SCN9A: variants seen among roughly 807,000 people sequenced by gnomAD.
The protein encoded by SCN9A is sodium channel protein type 9 subunit alpha.
SCN9A carries 131 observed loss-of-function variants against 187.0 expected under a neutral mutation model. The observed-to-expected ratio is 0.70, with a 90% CI of 0.61 to 0.81. The LOEUF is 0.81. SCN9A is among the 30% of genes least tolerant of loss of function. The pLI is 0.00. For synonymous variants in SCN9A, 809 were observed against 808.6 expected, an observed-to-expected ratio of 1.00 and a Z score of -0.01; for missense variants, 2,252 against 2,396.6, an observed-to-expected ratio of 0.94 and a Z score of 1.26.
At chr2:166,353,817 G>T (rs1010621522) in intron 1 of SCN9A, among the ~76,000 whole-genome samples, 2 of 151,996 alleles carry the variant, frequency 1.3e-5, no homozygotes, top group African/African-American at 2.4e-5. Context: ...CTTTCATCAC[G>T]CCTGTCTCCT....
Position 166,227,603 on chromosome 2 carries a change from G to C in SCN9A, c.4260+67C>G, listed in dbSNP as rs370332289. ...AAGGGCTTCATGAAGTTATAGTTTGGAAATCACTGAAATAAACTAAGAAGC... is the reference window on the plus strand; with the variant it reads ...AAGGGCTTCATGAAGTTATAGTTTGCAAATCACTGAAATAAACTAAGAAGC... On this transcript the variant is annotated intron_variant, in intron 23 of 26. Coordinates refer to ENST00000642356, the MANE Select transcript of SCN9A (RefSeq NM_001365536.1). 1.1e-5 allele frequency: 10 copies of C among 917,136 alleles called. 1 individual carries two copies. Among genetic ancestry groups the C allele is most frequent in the African/African-American group, 1.7e-5 (1 of 60,578 alleles). The allele number at this position is 917,136 out of a possible 1,614,324, so 56.8% of individuals were successfully genotyped here. A position where few individuals can be genotyped will look rare whatever the true frequency, so the allele number is the denominator to read the frequency against.
At chr2:166,229,113 A>C in intron 21 of SCN9A, 141 bp from the exon 22 acceptor site, 1 of 629,282 alleles carries the variant, frequency 1.6e-6, no homozygotes, top group Non-Finnish European at 2.7e-6. Context: ...CAGCCGACTC[A>C]TGTTTATTAA....
At chr2:166,279,858 A>G (rs1358072890) in intron 14 of SCN9A, among the ~76,000 whole-genome samples, 2 of 152,070 alleles carry the variant, frequency 1.3e-5, no homozygotes. Flanking sequence ...AAAATTAAAT[A>G]CTACAGAGTT....
intron 1 of SCN9A, among the ~76,000 whole-genome samples, chr2:166,350,870 T>C (rs930432030): frequency 1.3e-5 from 2 of 152,198 alleles, no homozygotes; most frequent in Non-Finnish European, 2.9e-5. Flanking sequence ...AATCAAAAGA[T>C]GGTTATAACT....
chr2:166,364,472 T>A lies in SCN9A; in HGVS notation c.-51+11225A>T, dbSNP rs191640401. Reference sequence around the variant, plus strand: ...AACAGATAAACAAAATGTGTATAAATGCACAATAAAATACTACACAGCCTT... The same window carrying A: ...AACAGATAAACAAAATGTGTATAAAAGCACAATAAAATACTACACAGCCTT... On this transcript the variant is annotated intron_variant, in intron 1 of 26. Transcript: ENST00000642356. Among the ~76,000 whole-genome samples, 142 of 152,192 alleles carry A rather than the reference T, an allele frequency of 9.3e-4. 1 individual carries two copies. In the East Asian group the frequency reaches 0.026, roughly 27 times the overall value.
chr2:166,220,217 A>T (rs1694522893), intron 24 of SCN9A, among the ~76,000 whole-genome samples: 1 of 152,176 alleles, frequency 6.6e-6, no homozygotes, highest in Non-Finnish European at 1.5e-5. Flanking sequence ...AAATTTCAAC[A>T]ACCTTTCATG....
At position 166,256,844 on chromosome 2, in the gene SCN9A, C is replaced by T. The variant is rs1007688170; in HGVS notation, c.3352-4959G>A. The stretch of plus-strand genomic sequence containing the variant: ...ATTCAGAATAAAACCAGTGATTTCA[C>T]GGAGACCTCTTCTTTTTCTCAGAAT... On this transcript the variant is annotated intron_variant, in intron 17 of 26. Coordinates refer to ENST00000642356, the MANE Select transcript of SCN9A (RefSeq NM_001365536.1). Among the ~76,000 whole-genome samples, 6 of 151,482 alleles carry T rather than the reference C, an allele frequency of 4.0e-5. No individual in the cohort carries two copies. In the East Asian group the frequency reaches 7.8e-4, roughly 20 times the overall value.
chr2:166,252,177 C>T (rs1233086786), intron 17 of SCN9A, among the ~76,000 whole-genome samples: 1 of 151,862 alleles, frequency 6.6e-6, no homozygotes, highest in Non-Finnish European at 1.5e-5. Context: ...TTAACTATCA[C>T]TTTTGGAAAG....
At chr2:166,329,321 C>T (rs998883731) in intron 1 of SCN9A, among the ~76,000 whole-genome samples, 2 of 151,988 alleles carry the variant, frequency 1.3e-5, no homozygotes, top group African/African-American at 2.4e-5. Context: ...GGTTTACCCC[C>T]GCAGCAAGTT....
chr2:166,303,083 T>G lies in SCN9A; in HGVS notation c.901+7A>C. ...CAACCTAATAACAAATGCAAGGACA[T>G]TCTTACTTCTAAAGTCTTCTTCACT... On this transcript the variant is annotated splice_region_variant and intron_variant, in intron 7 of 26. Coordinates refer to ENST00000642356, the MANE Select transcript of SCN9A (RefSeq NM_001365536.1). 6.4e-7 allele frequency: 1 copy of G among 1,564,462 alleles called. No homozygotes were observed.
At chr2:166,207,982 A>G (rs1459959276) in intron 24 of SCN9A, among the ~76,000 whole-genome samples, 7 of 152,208 alleles carry the variant, frequency 4.6e-5, no homozygotes, top group Non-Finnish European at 1.0e-4. Flanking sequence ...AAATCAAAGT[A>G]ATAGATTTTG....
chr2:166,364,747 TG>T (rs1240685825), intron 1 of SCN9A, among the ~76,000 whole-genome samples: 2 of 152,192 alleles, frequency 1.3e-5, no homozygotes, highest in Non-Finnish European at 2.9e-5. Context: ...GTTCTGAAGA[TG>T]GATGGTGGTG....
At chr2:166,348,441 T>C (rs1699955299) in intron 1 of SCN9A, among the ~76,000 whole-genome samples, 1 of 152,192 alleles carries the variant, frequency 6.6e-6, no homozygotes, top group Non-Finnish European at 1.5e-5. Context: ...ACAAGGGCTA[T>C]TGATTATACT....
intron 7 of SCN9A, among the ~76,000 whole-genome samples, chr2:166,297,033 T>C (rs928075985): frequency 1.3e-5 from 2 of 150,676 alleles, no homozygotes; most frequent in Non-Finnish European, 3.0e-5. Flanking sequence ...CCGTCTCTAC[T>C]AAAAATACAA....
intron 23 of SCN9A, 134 bp downstream of exon 23, chr2:166,227,536 G>C: frequency 1.5e-6 from 1 of 657,862 alleles, no homozygotes; most frequent in Non-Finnish European, 2.8e-6. Flanking sequence ...CAACCACTAG[G>C]CTACTATCAG....
intron 1 of SCN9A, among the ~76,000 whole-genome samples, chr2:166,342,880 G>A (rs1574946425): frequency 6.6e-6 from 1 of 152,074 alleles, no homozygotes; most frequent in Non-Finnish European, 1.5e-5. Context: ...TATGCCCTTT[G>A]CATACATCCA....
Position 166,228,810 on chromosome 2 carries a change from G to A in SCN9A, c.4087C>T (p.Gln1363Ter), listed in dbSNP as rs1553479145. The A allele has an allele frequency of 6.2e-7, 1 of 1,613,896 alleles. No individual in the cohort carries two copies. ...AAACATTCGGAACGATTTGGAACTT[G>A]ACTTGCAGGAAACCGTGACCCATCT... ...TTDGSRFPAS[Q>*]VPNRSECFAL... is the part of the protein sequence containing the mutation. The change falls in exon 22 of 27, where the codon CAA becomes TAA. Residue 1363 changes from glutamine to a stop codon, truncating the protein, a stop_gained. Transcript: ENST00000642356. LOFTEE classifies it high-confidence loss of function.
At chr2:166,205,409 G>A (rs1250206504) in intron 24 of SCN9A, among the ~76,000 whole-genome samples, 2 of 152,096 alleles carry the variant, frequency 1.3e-5, no homozygotes, top group African/African-American at 2.4e-5. Flanking sequence ...CAAGCAACGG[G>A]GAAAGGCTTC....
At chr2:166,258,528 G>A (rs1696374727) in intron 17 of SCN9A, among the ~76,000 whole-genome samples, 1 of 151,372 alleles carries the variant, frequency 6.6e-6, no homozygotes, top group African/African-American at 2.4e-5. Flanking sequence ...AAAATCAAAT[G>A]TTAATTACTG....
Sources: allele counts gnomAD v4.1 joint callset (sites outside exome capture counted in the v4.1 genomes callset), GRCh38; gene constraint gnomAD v4.1.1; transcripts MANE v1.5; gene names NCBI Gene and HGNC (gene_info 2026-07-23, HGNC 2026-07-21).